PSD3: variants seen among roughly 807,000 people sequenced by gnomAD.
PSD3 encodes PH and SEC7 domain-containing protein 3.
Under a neutral mutation model 105.5 loss-of-function variants are expected in PSD3, and 49 were observed. That is an observed-to-expected ratio of 0.46 (90% CI 0.37 to 0.59). The LOEUF (loss-of-function observed/expected upper bound fraction) is 0.59, where lower values mean the gene tolerates loss of function less well. Among genes scored for constraint, PSD3 ranks in the 20% least tolerant of loss-of-function variants. The probability of loss-of-function intolerance (pLI) is 0.00; values close to 1 mark genes in which losing one functional copy is unlikely to be tolerated. For synonymous variants in PSD3, 557 were observed against 457.8 expected (o/e 1.22, Z -2.77); for missense variants, 1,561 against 1,263.8 (o/e 1.24, Z -3.57).
chr8:18,702,980 T>C (rs1174442035), intron 9 of PSD3, among the ~76,000 whole-genome samples: 1 of 152,160 alleles, frequency 6.6e-6, no homozygotes, highest in African/African-American at 2.4e-5. Context: ...CATTTTCATG[T>C]TCTCCTAAAA....
intron 9 of PSD3, among the ~76,000 whole-genome samples, chr8:18,658,005 T>C (rs571252230): frequency 6.6e-6 from 1 of 152,232 alleles, no homozygotes; most frequent in Non-Finnish European, 1.5e-5. Flanking sequence ...CAAAGAGAAG[T>C]AGAATTGTAA....
Position 18,657,203 on chromosome 8 carries a change from C to T in PSD3, c.2173-1518G>A, listed in dbSNP as rs754134186. On this transcript the variant is annotated intron_variant, in intron 9 of 15. Transcript: ENST00000327040. ...GAACTGCCTTGTATTTCTATCCTTTCGCCCTTAACATTGTCTCATTCAAGT... is the reference window on the plus strand; with the variant it reads ...GAACTGCCTTGTATTTCTATCCTTTTGCCCTTAACATTGTCTCATTCAAGT... 8.5e-5 allele frequency among the ~76,000 whole-genome samples: 13 copies of T among 152,190 alleles called. 1 individual carries two copies. The highest frequency in any genetic ancestry group is 1.6e-4 in the Non-Finnish European group (11 of 68,040).
intron 15 of PSD3, among the ~76,000 whole-genome samples, chr8:18,553,751 A>C (rs566134886): frequency 6.6e-5 from 10 of 152,306 alleles, no homozygotes; most frequent in Admixed American, 5.2e-4. Context: ...TTCACTTCTT[A>C]AAAAGCACTA....
chr8:18,817,204 T>A (rs2638608), intron 4 of PSD3, among the ~76,000 whole-genome samples: 144,550 of 152,288 alleles, frequency 0.95, 68,751 homozygotes, highest in Non-Finnish European at 0.98. Flanking sequence ...ATTCTCCAAC[T>A]TCCACAATCG....
intron 1 of PSD3, among the ~76,000 whole-genome samples, chr8:19,057,041 T>A (rs1828732331): frequency 6.6e-6 from 1 of 152,148 alleles, no homozygotes; most frequent in Non-Finnish European, 1.5e-5. Context: ...TTTGATGAGC[T>A]CTTGATGCTA....
Position 18,547,977 on chromosome 8 carries a change from C to T in PSD3, c.2928+8232G>A, listed in dbSNP as rs559833867. 5.7e-4 allele frequency among the ~76,000 whole-genome samples: 86 copies of T among 152,198 alleles called. No homozygotes were observed. The South Asian group carries it at 0.018, about 32-fold the overall frequency. On this transcript the variant is annotated intron_variant, in intron 15 of 15. Transcript: ENST00000327040. ...GGTGTTCCATGAATCCTGTAGATTT[C>T]TTTCTCCCTTCCTTTTCATTCTTTT...
At chr8:18,670,625 C>T (rs17695695) in intron 9 of PSD3, among the ~76,000 whole-genome samples, 8,464 of 151,922 alleles carry the variant, frequency 0.056, 745 homozygotes, top group East Asian at 0.4. Context: ...CTGGGTACAA[C>T]GAACAGTTTC....
chr8:18,970,127 C>G (rs1228838205), intron 1 of PSD3, among the ~76,000 whole-genome samples: 1 of 151,230 alleles, frequency 6.6e-6, no homozygotes, highest in African/African-American at 2.4e-5. Context: ...AGATCGAGAC[C>G]ATCCTGGCTA....
chr8:18,928,843 C>A (rs941082724), intron 2 of PSD3, among the ~76,000 whole-genome samples: 2 of 151,282 alleles, frequency 1.3e-5, no homozygotes, highest in African/African-American at 4.9e-5. Flanking sequence ...ATCCTTTCCT[C>A]TCCTTTCCTC....
chr8:18,977,993 A>G (rs1393950909), intron 1 of PSD3, among the ~76,000 whole-genome samples: 1 of 152,226 alleles, frequency 6.6e-6, no homozygotes, highest in African/African-American at 2.4e-5. Flanking sequence ...ATTTACTGAG[A>G]ACCCATACGT....
chr8:19,013,564 G>A lies in PSD3; in HGVS notation c.20C>T (p.Ala7Val). MEGRSA[A>V]AETFVWVNNA... Reference sequence around the variant, plus strand: ...CCGCGCCCCGGCCCCGGAGCTCACCGCTGCGCTCCTTCCTTCCATCTTCCA... The same window carrying A: ...CCGCGCCCCGGCCCCGGAGCTCACCACTGCGCTCCTTCCTTCCATCTTCCA... The change falls in exon 1 of 16, where the codon GCG becomes GTG. Residue 7 changes from alanine to valine, a missense_variant and splice_region_variant. Coordinates refer to ENST00000327040, the MANE Select transcript of PSD3 (RefSeq NM_015310.4). 1.9e-6 allele frequency: 3 copies of A among 1,555,480 alleles called. No individual in the cohort carries two copies. Among genetic ancestry groups the A allele is most frequent in the South Asian group, 1.1e-5 (1 of 87,428 alleles).
chr8:18,580,712 G>T (rs1394128206), intron 12 of PSD3, among the ~76,000 whole-genome samples: 1 of 152,144 alleles, frequency 6.6e-6, no homozygotes, highest in Admixed American at 6.5e-5. Context: ...GTACGTTTTA[G>T]ATAACGAACT....
chr8:18,897,186 G>A (rs758123133), intron 2 of PSD3, among the ~76,000 whole-genome samples: 4 of 152,082 alleles, frequency 2.6e-5, no homozygotes, highest in South Asian at 2.1e-4. Context: ...GCATTTCCCT[G>A]ATGTTCAGTA....
chr8:18,709,794 C>G (rs572663082), intron 9 of PSD3, among the ~76,000 whole-genome samples: 22 of 152,104 alleles, frequency 1.4e-4, no homozygotes, highest in Non-Finnish European at 2.8e-4. Flanking sequence ...CAGAAAGCAA[C>G]AACAACAATA....
At chr8:19,030,577 T>C (rs978215815) in intron 1 of PSD3, among the ~76,000 whole-genome samples, 6 of 152,124 alleles carry the variant, frequency 3.9e-5, no homozygotes, top group African/African-American at 1.4e-4. Flanking sequence ...CTATGTGACT[T>C]GTCCTCTCCC....
In PSD3 at chr8:18,984,192, A is replaced by AAATAATAATAATAATAAT. The variant is rs59486224; in HGVS notation, c.21+29353_21+29370dup. Among the ~76,000 whole-genome samples, 366 of 146,432 alleles carry AAATAATAATAATAATAAT rather than the reference A, an allele frequency of 2.5e-3. 2 individuals are homozygous for AAATAATAATAATAATAAT. Among genetic ancestry groups the AAATAATAATAATAATAAT allele is most frequent in the East Asian group, 5.6e-3 (28 of 5,036 alleles). ...CAAAGTTGCCACAACCCTTCAATTA[A>AAATAATAATAATAATAAT]AATAATAATAATAATAATAATAATA... On this transcript the variant is annotated intron_variant, in intron 1 of 15. Coordinates refer to ENST00000327040, the MANE Select transcript of PSD3 (RefSeq NM_015310.4).
chr8:18,560,686 T>C (rs1452686447), intron 14 of PSD3, among the ~76,000 whole-genome samples: 1 of 152,170 alleles, frequency 6.6e-6, no homozygotes, highest in Non-Finnish European at 1.5e-5. Context: ...CGAAGTCACT[T>C]AGGATTTCAT....
chr8:19,071,194 G>A (rs1013696837), intron 1 of PSD3, among the ~76,000 whole-genome samples: 2 of 151,856 alleles, frequency 1.3e-5, no homozygotes, highest in African/African-American at 4.8e-5. Context: ...CGATTAGCTG[G>A]GATTACAGGT....
chr8:18,642,715 T>A lies in PSD3; in HGVS notation c.2217-9909A>T, dbSNP rs1403723171. ...AAGATAACAATATTTGTAAAGTACA[T>A]AACTTTCATCATATTTAGAAATATT... On this transcript the variant is annotated intron_variant, in intron 10 of 15. Transcript: ENST00000327040. Among the ~76,000 whole-genome samples the A allele has an allele frequency of 1.2e-4, 18 of 152,346 alleles. No homozygotes were observed. The East Asian group carries it at 3.5e-3, about 29-fold the overall frequency.
Sources: allele counts gnomAD v4.1 joint callset (sites outside exome capture counted in the v4.1 genomes callset), GRCh38; gene constraint gnomAD v4.1.1; transcripts MANE v1.5; gene names NCBI Gene and HGNC (gene_info 2026-07-23, HGNC 2026-07-21).